PHACTR1: variants seen among roughly 807,000 people sequenced by gnomAD.
PHACTR1 encodes the protein RPEL repeat containing 1.
Under a neutral mutation model 69.2 loss-of-function variants are expected in PHACTR1, and 16 were observed. The ratio of observed to expected loss-of-function variants is 0.23; its 90% CI spans 0.16 to 0.35. The LOEUF is 0.35. Among genes scored for constraint, PHACTR1 ranks in the 10% least tolerant of loss-of-function variants. The pLI, the probability that PHACTR1 is intolerant of heterozygous loss-of-function variation, is 1.00. For synonymous variants in PHACTR1, 312 were observed against 284.5 expected (o/e 1.10, Z -0.97); for missense variants, 510 against 734.7 (o/e 0.69, Z 3.54).
intron 7 of PHACTR1, among the ~76,000 whole-genome samples, chr6:13,186,962 C>T (rs1436739074): frequency 1.3e-5 from 2 of 152,180 alleles, no homozygotes; most frequent in African/African-American, 4.8e-5. Context: ...TGGTGGGAGA[C>T]AGTGACCGAT....
chr6:12,932,934 CTT>C (rs35209150), intron 4 of PHACTR1, among the ~76,000 whole-genome samples: 278 of 124,090 alleles, frequency 2.2e-3, no homozygotes, highest in South Asian at 0.012. Flanking sequence ...TATTCCAAAT[CTT>C]TTTTTTTTTT....
intron 6 of PHACTR1, among the ~76,000 whole-genome samples, chr6:13,169,549 A>G (rs1238493561): frequency 1.3e-5 from 2 of 152,198 alleles, no homozygotes; most frequent in Non-Finnish European, 2.9e-5. Context: ...AGGACCCTCA[A>G]AAACTAAGAA....
rs115950672 is a variant in PHACTR1, at chr6:13,227,748, G to T, written c.987-68G>T. The T allele has an allele frequency of 3.4e-3, 5,307 of 1,554,172 alleles. 151 individuals are homozygous for T. The African/African-American group carries it at 0.064, about 19-fold the overall frequency. On this transcript the variant is annotated intron_variant, in intron 8 of 14. Transcript: ENST00000332995. Reference sequence around the variant, plus strand: ...GGACTGGGCAACTGAGTTTTAAAATGGTTTTGATGCATTTATATAGCACGT... The same window carrying T: ...GGACTGGGCAACTGAGTTTTAAAATTGTTTTGATGCATTTATATAGCACGT...
chr6:13,084,732 AG>A (rs1260015050), intron 5 of PHACTR1, among the ~76,000 whole-genome samples: 1 of 151,978 alleles, frequency 6.6e-6, no homozygotes, highest in Non-Finnish European at 1.5e-5. Flanking sequence ...GTATAAGAAG[AG>A]GGGGTGGCGT....
At chr6:12,737,333 C>T (rs1319686) in intron 3 of PHACTR1, among the ~76,000 whole-genome samples, 10,945 of 151,840 alleles carry the variant, frequency 0.072, 504 homozygotes, top group Admixed American at 0.11. Context: ...ATATGTGATC[C>T]ATCATTGACC....
chr6:12,810,013 T>C (rs1018982665), intron 4 of PHACTR1, among the ~76,000 whole-genome samples: 4 of 152,156 alleles, frequency 2.6e-5, no homozygotes, highest in African/African-American at 9.7e-5. Flanking sequence ...ATGAACCAAA[T>C]TTTCTTAAAA....
At chr6:12,961,176 A>G (rs1792671944) in intron 4 of PHACTR1, among the ~76,000 whole-genome samples, 1 of 152,218 alleles carries the variant, frequency 6.6e-6, no homozygotes, top group African/African-American at 2.4e-5. Flanking sequence ...GCAGAGTGAA[A>G]AATAGTGTAG....
chr6:13,260,018 C>T (rs930739210), intron 10 of PHACTR1, among the ~76,000 whole-genome samples: 9 of 152,164 alleles, frequency 5.9e-5, no homozygotes, highest in Non-Finnish European at 8.8e-5. Context: ...CCTTCCCATA[C>T]GCCCAGCATT....
In PHACTR1 at chr6:12,996,405, A is replaced by G. The variant is rs563682357; in HGVS notation, c.251-56960A>G. Among the ~76,000 whole-genome samples the G allele has an allele frequency of 1.1e-4, 17 of 152,318 alleles. 1 individual carries two copies. In the South Asian group the frequency reaches 3.3e-3, roughly 30 times the overall value. Reference sequence around the variant, plus strand: ...GACACAGTTAACAGATAATTTTAAAATAACTGAAGGAAATATTATGATCAA... The same window carrying G: ...GACACAGTTAACAGATAATTTTAAAGTAACTGAAGGAAATATTATGATCAA... On this transcript the variant is annotated intron_variant, in intron 4 of 14. Coordinates refer to ENST00000332995, the MANE Select transcript of PHACTR1 (RefSeq NM_030948.6).
chr6:12,844,751 G>GA (rs916526476), intron 4 of PHACTR1, among the ~76,000 whole-genome samples: 14 of 150,010 alleles, frequency 9.3e-5, no homozygotes, highest in African/African-American at 2.9e-4. Context: ...AAAGGTGAAA[G>GA]AAAAAAAAAG....
At chr6:13,147,968 A>T (rs1386999461) in intron 5 of PHACTR1, among the ~76,000 whole-genome samples, 1 of 152,068 alleles carries the variant, frequency 6.6e-6, no homozygotes, top group African/African-American at 2.4e-5. Context: ...TCCCCTCCCC[A>T]CCAGAGGTAG....
At chr6:13,126,227 T>C (rs1295860535) in intron 5 of PHACTR1, among the ~76,000 whole-genome samples, 3 of 152,200 alleles carry the variant, frequency 2.0e-5, no homozygotes, top group Non-Finnish European at 4.4e-5. Flanking sequence ...GCAAAAGTAC[T>C]GCATTTACAT....
intron 1 of PHACTR1, 69 bp downstream of exon 1, chr6:12,716,965 A>AT (rs1353354983): frequency 8.0e-6 from 1 of 124,968 alleles, no homozygotes; most frequent in Non-Finnish European, 1.6e-5. Flanking sequence ...TTTGCCGGGG[A>AT]TGGGGGTTGT....
chr6:12,919,734 T>A (rs1429924772), intron 4 of PHACTR1, among the ~76,000 whole-genome samples: 1 of 152,206 alleles, frequency 6.6e-6, no homozygotes, highest in Non-Finnish European at 1.5e-5. Context: ...TGTAGAGAGT[T>A]AAATATGTAT....
chr6:12,721,523 T>C (rs1762125863), intron 3 of PHACTR1, among the ~76,000 whole-genome samples: 1 of 152,194 alleles, frequency 6.6e-6, no homozygotes, highest in Non-Finnish European at 1.5e-5. Context: ...GTGATTCATT[T>C]CTTGTCCTGT....
At chr6:13,039,888 T>C (rs931276243) in intron 4 of PHACTR1, among the ~76,000 whole-genome samples, 1 of 152,190 alleles carries the variant, frequency 6.6e-6, no homozygotes, top group Non-Finnish European at 1.5e-5. Flanking sequence ...TGAATACTGA[T>C]AATCTTTTTA....
chr6:12,927,270 T>G (rs1446682057), intron 4 of PHACTR1, among the ~76,000 whole-genome samples: 1 of 152,216 alleles, frequency 6.6e-6, no homozygotes, highest in African/African-American at 2.4e-5. Context: ...GGACTTTAGT[T>G]TAGTGCTCCC....
intron 4 of PHACTR1, among the ~76,000 whole-genome samples, chr6:12,818,574 T>C (rs1181786946): frequency 6.6e-6 from 1 of 152,216 alleles, no homozygotes. Context: ...GAATTTGTGG[T>C]CACTCAGATT....
At position 13,131,139 on chromosome 6, in the gene PHACTR1, A is replaced by G. The variant is rs116216351; in HGVS notation, c.416-29065A>G. Among the ~76,000 whole-genome samples, 1,319 of 150,834 alleles carry G rather than the reference A, an allele frequency of 8.7e-3. 22 individuals carry two copies. The highest frequency in any genetic ancestry group is 0.03 in the African/African-American group (1,245 of 41,276). ...ATGATCAAAACTACCATATATATAC[A>G]TATATATACACATATATATGTATAT... On this transcript the variant is annotated intron_variant, in intron 5 of 14. Coordinates refer to ENST00000332995, the MANE Select transcript of PHACTR1 (RefSeq NM_030948.6).
Sources: allele counts gnomAD v4.1 joint callset (sites outside exome capture counted in the v4.1 genomes callset), GRCh38; gene constraint gnomAD v4.1.1; transcripts MANE v1.5; gene names NCBI Gene and HGNC (gene_info 2026-07-23, HGNC 2026-07-21).